The following CHRM3 variants were observed in gnomAD, a reference collection of about 807,000 sequenced individuals.
CHRM3 encodes cholinergic receptor muscarinic 3.
In CHRM3, 11 loss-of-function variants were observed where a neutral mutation model predicts 41.8. That is an observed-to-expected ratio of 0.26 (90% CI 0.17 to 0.44). The LOEUF (loss-of-function observed/expected upper bound fraction) is 0.44, where lower values mean the gene tolerates loss of function less well. Among genes scored for constraint, CHRM3 ranks in the 20% least tolerant of loss-of-function variants. The pLI is 1.00. For missense variants in CHRM3, 571 were observed against 745.4 expected (o/e 0.77, Z 2.72); for synonymous variants, 297 against 301.4 (o/e 0.99, Z 0.15).
At chr1:239,528,785 C>T (rs967254868) in intron 2 of CHRM3, among the ~76,000 whole-genome samples, 3 of 152,014 alleles carry the variant, frequency 2.0e-5, no homozygotes, top group Non-Finnish European at 2.9e-5. Context: ...CCCAGCTACT[C>T]GGTAGGCTGA....
At chr1:239,754,922 T>C (rs1666120482) in intron 5 of CHRM3, among the ~76,000 whole-genome samples, 1 of 152,184 alleles carries the variant, frequency 6.6e-6, no homozygotes. Flanking sequence ...AGCAATCTAA[T>C]TCTCATGTTA....
At chr1:239,631,983 G>A (rs1304126332) in intron 3 of CHRM3, among the ~76,000 whole-genome samples, 1 of 152,180 alleles carries the variant, frequency 6.6e-6, no homozygotes. Flanking sequence ...GTAGAATGAG[G>A]AAGTCAATAG....
chr1:239,748,161 A>T lies in CHRM3; in HGVS notation c.-147+69873A>T, dbSNP rs144056485. Among the ~76,000 whole-genome samples, 3 of 152,396 alleles carry T rather than the reference A, an allele frequency of 2.0e-5. No individual in the cohort carries two copies. The highest frequency in any genetic ancestry group is 7.2e-5 in the African/African-American group (3 of 41,604). On this transcript the variant is annotated intron_variant, in intron 5 of 6. Transcript: ENST00000676153. The surrounding 1 kb of genome is among the most constrained non-coding windows in gnomAD (Gnocchi z 4.3). Reference sequence around the variant, plus strand: ...ATTGTACTGGATTGCCAACGTTTGCATTATTTTAAACCACCACTTAAGAAG... The same window carrying T: ...ATTGTACTGGATTGCCAACGTTTGCTTTATTTTAAACCACCACTTAAGAAG...
intron 6 of CHRM3, among the ~76,000 whole-genome samples, chr1:239,904,901 A>T (rs902819241): frequency 1.3e-5 from 2 of 152,172 alleles, no homozygotes; most frequent in South Asian, 4.1e-4. Flanking sequence ...ATGTATTTAT[A>T]TGTGCATATG....
intron 1 of CHRM3, among the ~76,000 whole-genome samples, chr1:239,389,871 G>A (rs1311692895): frequency 6.6e-6 from 1 of 152,174 alleles, no homozygotes; most frequent in East Asian, 1.9e-4. Flanking sequence ...GGTCTTGTTT[G>A]CAGTGCCGGG....
At chr1:239,467,344 C>T (rs1241690284) in intron 1 of CHRM3, among the ~76,000 whole-genome samples, 1 of 152,132 alleles carries the variant, frequency 6.6e-6, no homozygotes, top group Admixed American at 6.5e-5. Flanking sequence ...CTCTGTCACC[C>T]AGGCTGGAGT....
chr1:239,557,316 T>C (rs1660454056), intron 3 of CHRM3, among the ~76,000 whole-genome samples: 1 of 152,166 alleles, frequency 6.6e-6, no homozygotes, highest in Non-Finnish European at 1.5e-5. Flanking sequence ...GGTTTTCTAC[T>C]TCAACTATGG....
intron 2 of CHRM3, among the ~76,000 whole-genome samples, chr1:239,529,632 C>A (rs201818286): frequency 1.2e-3 from 161 of 132,636 alleles, no homozygotes; most frequent in Middle Eastern, 3.6e-3. Context: ...AAAAAAAAAA[C>A]AAACAAACAA....
chr1:239,775,608 G>A (rs766970022), intron 5 of CHRM3, among the ~76,000 whole-genome samples: 12 of 152,278 alleles, frequency 7.9e-5, no homozygotes, highest in Admixed American at 1.3e-4. Context: ...GGCAATGCCC[G>A]CAGGGAGTTT....
intron 2 of CHRM3, among the ~76,000 whole-genome samples, chr1:239,536,559 A>G (rs918545380): frequency 6.6e-6 from 1 of 152,236 alleles, no homozygotes; most frequent in African/African-American, 2.4e-5. Context: ...GTAAACCATC[A>G]TCCACTCAAG....
chr1:239,513,762 T>C (rs1175581431), intron 2 of CHRM3, among the ~76,000 whole-genome samples: 1 of 152,204 alleles, frequency 6.6e-6, no homozygotes, highest in Non-Finnish European at 1.5e-5. Flanking sequence ...TAGTTTTATA[T>C]TTTATAGTTA....
chr1:239,870,335 C>T (rs1676466837), intron 6 of CHRM3, among the ~76,000 whole-genome samples: 1 of 152,188 alleles, frequency 6.6e-6, no homozygotes, highest in South Asian at 2.1e-4. Flanking sequence ...GTAGAAATAA[C>T]CCTTCCAGGC....
chr1:239,704,541 T>A (rs1419798636), intron 5 of CHRM3: 3 of 152,162 alleles, frequency 2.0e-5, no homozygotes, highest in African/African-American at 7.2e-5. Context: ...AGCAACCTTT[T>A]TCACAAGTAG....
At chr1:239,409,974 CTTGGGCTTG>C (rs1660942423) in intron 1 of CHRM3, among the ~76,000 whole-genome samples, 1 of 152,112 alleles carries the variant, frequency 6.6e-6, no homozygotes, top group Admixed American at 6.5e-5. Context: ...TAGCAGAATG[CTTGGGCTTG>C]GTAACCAGGA....
intron 2 of CHRM3, among the ~76,000 whole-genome samples, chr1:239,530,122 CT>C (rs1425207777): frequency 6.6e-6 from 1 of 152,118 alleles, no homozygotes; most frequent in Non-Finnish European, 1.5e-5. Context: ...CCAGGATGGT[CT>C]TGATCTCCTG....
chr1:239,434,300 T>A (rs1663059159), intron 1 of CHRM3, among the ~76,000 whole-genome samples: 1 of 152,224 alleles, frequency 6.6e-6, no homozygotes, highest in Admixed American at 6.5e-5. Flanking sequence ...TCAGACTCCA[T>A]GTCTTTACAT....
intron 1 of CHRM3, among the ~76,000 whole-genome samples, chr1:239,468,748 A>T (rs568452422): frequency 1.4e-4 from 21 of 152,324 alleles, no homozygotes; most frequent in Admixed American, 2.6e-4. Flanking sequence ...TAATGACTTT[A>T]TATCTTTTTA....
chr1:239,812,110 G>A (rs1206628791), intron 5 of CHRM3, among the ~76,000 whole-genome samples: 26 of 152,126 alleles, frequency 1.7e-4, no homozygotes, highest in Admixed American at 1.7e-3. Flanking sequence ...CACTATCTCA[G>A]CTCATTACAC....
At chr1:239,656,709 T>C (rs1021292614) in intron 4 of CHRM3, among the ~76,000 whole-genome samples, 1 of 152,126 alleles carries the variant, frequency 6.6e-6, no homozygotes, top group African/African-American at 2.4e-5. Context: ...TTAAATGATT[T>C]TTTAATGTTT....
Sources: allele counts gnomAD v4.1 joint callset (sites outside exome capture counted in the v4.1 genomes callset), GRCh38; gene constraint gnomAD v4.1.1; non-coding constraint Gnocchi (gnomAD v3.1); transcripts MANE v1.5; gene names NCBI Gene and HGNC (gene_info 2026-07-23, HGNC 2026-07-21).